The following YTHDF2 variants were observed in gnomAD, a reference collection of about 807,000 sequenced individuals.
The protein encoded by YTHDF2 is YTH N6-methyladenosine RNA binding protein F2.
A neutral mutation model predicts 50.4 loss-of-function variants in YTHDF2; 2 were observed. That is an observed-to-expected ratio of 0.04 (90% CI 0.02 to 0.12). The LOEUF (loss-of-function observed/expected upper bound fraction) is 0.12, where lower values mean the gene tolerates loss of function less well. YTHDF2 is among the 10% of genes least tolerant of loss of function. The pLI is 1.00. For synonymous variants in YTHDF2, 217 were observed against 255.6 expected, an observed-to-expected ratio of 0.85 and a Z score of 1.44; for missense variants, 483 against 722.6, an observed-to-expected ratio of 0.67 and a Z score of 3.80.
chr1:28,752,920 A>G (rs2087978994), intron 4 of YTHDF2, among the ~76,000 whole-genome samples: 1 of 151,842 alleles, frequency 6.6e-6, no homozygotes, highest in Non-Finnish European at 1.5e-5. Context: ...GTGGCGCATA[A>G]CTAAAGTATA....
intron 3 of YTHDF2, chr1:28,740,192 TG>T (rs1279377564): frequency 2.6e-5 from 4 of 152,240 alleles, no homozygotes; most frequent in Admixed American, 6.5e-5. Flanking sequence ...AATAGGTTCC[TG>T]CTATTGAAGT....
intron 4 of YTHDF2, among the ~76,000 whole-genome samples, chr1:28,764,524 C>T (rs937627972): frequency 1.3e-5 from 2 of 152,042 alleles, no homozygotes; most frequent in Admixed American, 6.6e-5. Context: ...CCACCCACCT[C>T]GGCCTCTCAA....
rs755912931 is a variant in YTHDF2, at chr1:28,738,222, G to A, written c.53-37G>A. ...AACTAATTTGAAAGGAAGATTGTAG[G>A]ATTGGGACACTCCTAATTGAATTTT... On this transcript the variant is annotated intron_variant, in intron 2 of 4. Coordinates refer to ENST00000373812, the MANE Select transcript of YTHDF2 (RefSeq NM_016258.3). 18 of 1,519,834 alleles carry A rather than the reference G, an allele frequency of 1.2e-5. No individual in the cohort carries two copies. The Admixed American group carries it at 1.9e-4, about 16-fold the overall frequency. The allele number at this position is 1,519,834 out of a possible 1,614,324, so 94.1% of individuals were successfully genotyped here. A position where few individuals can be genotyped will look rare whatever the true frequency, so the allele number is the denominator to read the frequency against.
chr1:28,753,656 C>T (rs1033426668), intron 4 of YTHDF2, among the ~76,000 whole-genome samples: 8 of 150,836 alleles, frequency 5.3e-5, no homozygotes, highest in African/African-American at 1.7e-4. Context: ...AGTGATAACG[C>T]TGGAGAGATT....
At chr1:28,739,470 T>A (rs570743888) in intron 3 of YTHDF2, among the ~76,000 whole-genome samples, 51 of 151,712 alleles carry the variant, frequency 3.4e-4, no homozygotes, top group South Asian at 1.9e-3. Context: ...CTAATTTTTT[T>A]AATTTTTTTG....
At chr1:28,759,423 C>T (rs533509012) in intron 4 of YTHDF2, among the ~76,000 whole-genome samples, 35 of 152,202 alleles carry the variant, frequency 2.3e-4, no homozygotes, top group Middle Eastern at 6.8e-3. Flanking sequence ...CATCCCTTAG[C>T]GATGGGGATA....
rs746057489 is a variant in YTHDF2 at position 28,769,754 on chromosome 1, C to T, written c.*802C>T. 6 of 152,594 alleles carry T rather than the reference C, an allele frequency of 3.9e-5. No homozygotes were observed. The highest frequency in any genetic ancestry group is 8.8e-5 in the Non-Finnish European group (6 of 68,028). The allele number at this position is 152,594 out of a possible 1,614,324, so 9.5% of individuals were successfully genotyped here. Reference sequence around the variant, plus strand: ...TTACCATTAATCACTTCTCAATAAACGTGAGATCCTGTTGAGCATCACTTC... The same window carrying T: ...TTACCATTAATCACTTCTCAATAAATGTGAGATCCTGTTGAGCATCACTTC... On this transcript the variant is annotated 3_prime_UTR_variant, in exon 5 of 5. Coordinates refer to ENST00000373812, the MANE Select transcript of YTHDF2 (RefSeq NM_016258.3).
At chr1:28,747,957 CTA>C (rs2087890307) in intron 4 of YTHDF2, among the ~76,000 whole-genome samples, 1 of 151,406 alleles carries the variant, frequency 6.6e-6, no homozygotes, top group Non-Finnish European at 1.5e-5. Context: ...AACCCCGTCT[CTA>C]TTAAATAAAC....
intron 4 of YTHDF2, among the ~76,000 whole-genome samples, chr1:28,758,074 T>C (rs1178383559): frequency 6.6e-6 from 1 of 152,200 alleles, no homozygotes. Context: ...CAAGGCTCTT[T>C]TTGTTTTTAG....
chr1:28,740,040 A>G (rs1390132564), intron 3 of YTHDF2, among the ~76,000 whole-genome samples: 1 of 152,254 alleles, frequency 6.6e-6, no homozygotes, highest in Non-Finnish European at 1.5e-5. Context: ...TGATTATCAC[A>G]TAAAACTTGT....
At position 28,743,922 on chromosome 1, in the gene YTHDF2, C is replaced by G. The variant is rs1245059236; in HGVS notation, c.1652C>G (p.Thr551Ser). 1 of 1,592,166 alleles carries G rather than the reference C, an allele frequency of 6.3e-7. No individual in the cohort carries two copies. The highest frequency in any genetic ancestry group is 8.5e-7 in the Non-Finnish European group (1 of 1,171,332). Residue 551 changes from threonine (T) to serine (S), a missense_variant, in exon 4 of 5, where the codon ACT (threonine) becomes AGT (serine). Physicochemically the swap from Thr to Ser is moderately conservative, Grantham distance 58. Transcript: ENST00000373812. This position sits in a 1 kb window ranked among gnomAD's most constrained non-coding sequence, Gnocchi z 6.9. ...ATTATAGCCAGCTACAAGCACACCA[C>G]TTCCATTTTTGATGACTTCTCACAC... ...LKIIASYKHT[T>S]SIFDDFSHYE...
At chr1:28,741,930 A>T (rs1264004014) in intron 3 of YTHDF2, among the ~76,000 whole-genome samples, 2 of 152,222 alleles carry the variant, frequency 1.3e-5, no homozygotes, top group African/African-American at 4.8e-5. Flanking sequence ...GCTAAGGCCC[A>T]TATTCACTGT....
intron 4 of YTHDF2, among the ~76,000 whole-genome samples, chr1:28,746,832 AGCACTTTGGGAGGCCGAGGTGG>A: frequency 6.6e-6 from 1 of 152,334 alleles, no homozygotes; most frequent in Admixed American, 6.5e-5. Context: ...CTGTAATCCC[AGCACTTTGGGAGGCCGAGGTGG>A]GCGGATCACC....
chr1:28,739,770 C>T (rs1400494227), intron 3 of YTHDF2, among the ~76,000 whole-genome samples: 2 of 152,130 alleles, frequency 1.3e-5, no homozygotes, highest in African/African-American at 4.8e-5. Context: ...TTTAAAGTTG[C>T]ATGTAGATTC....
intron 4 of YTHDF2, among the ~76,000 whole-genome samples, chr1:28,764,987 G>A (rs2088195967): frequency 6.6e-6 from 1 of 151,804 alleles, no homozygotes; most frequent in Non-Finnish European, 1.5e-5. Flanking sequence ...TGATCCTCTT[G>A]CTTCAGCCTC....
At chr1:28,750,578 A>T (rs149947999) in intron 4 of YTHDF2, among the ~76,000 whole-genome samples, 1 of 152,160 alleles carries the variant, frequency 6.6e-6, no homozygotes, top group Non-Finnish European at 1.5e-5. Flanking sequence ...TTTGAAACAG[A>T]TCTTTTTAGA....
At chr1:28,736,863 G>A, upstream of YTHDF2, 1 of 429,344 alleles carries the variant, frequency 2.3e-6, no homozygotes, top group South Asian at 3.2e-5. Flanking sequence ...CGCCTCCGCT[G>A]TTCGGCGCTC....
intron 4 of YTHDF2, among the ~76,000 whole-genome samples, chr1:28,760,268 A>AG (rs1390871771): frequency 7.1e-5 from 9 of 127,158 alleles, no homozygotes; most frequent in South Asian, 5.1e-4. Context: ...ATAACATAGT[A>AG]GGTTGTGTGT....
intron 4 of YTHDF2, among the ~76,000 whole-genome samples, chr1:28,763,135 T>C (rs867674240): frequency 6.6e-6 from 1 of 152,188 alleles, no homozygotes; most frequent in Non-Finnish European, 1.5e-5. Context: ...CCGAGTTTTC[T>C]ATTTTGTAAT....
Sources: allele counts gnomAD v4.1 joint callset (sites outside exome capture counted in the v4.1 genomes callset), GRCh38; gene constraint gnomAD v4.1.1; non-coding constraint Gnocchi (gnomAD v3.1); transcripts MANE v1.5; gene names NCBI Gene and HGNC (gene_info 2026-07-23, HGNC 2026-07-21).